SCHIP1: variants seen among roughly 807,000 people sequenced by gnomAD.
SCHIP1 encodes the protein schwannomin interacting protein 1, also known as schwannomin-interacting protein 1.
SCHIP1 carries 8 observed loss-of-function variants against 29.7 expected under a neutral mutation model. The ratio of observed to expected loss-of-function variants is 0.27; its 90% CI spans 0.16 to 0.49. The LOEUF (loss-of-function observed/expected upper bound fraction) is 0.49. Ranked by LOEUF, SCHIP1 falls within the 20% of genes least tolerant of loss-of-function variation. The pLI, the probability that SCHIP1 is intolerant of heterozygous loss-of-function variation, is 0.99. For missense variants in SCHIP1, 193 were observed against 294.6 expected, an observed-to-expected ratio of 0.66 and a Z score of 2.52; for synonymous variants, 76 against 94.9, an observed-to-expected ratio of 0.80 and a Z score of 1.16.
At chr3:159,570,240 T>A in the SCHIP1 span, among the ~76,000 whole-genome samples, 2 of 152,192 alleles carry the variant, frequency 1.3e-5, no homozygotes, top group Admixed American at 1.3e-4. Flanking sequence ...CTGAATGGTA[T>A]TGCCTAGGTT....
chr3:159,839,574 A>C (rs956695378), upstream of SCHIP1, among the ~76,000 whole-genome samples: 2 of 140,484 alleles, frequency 1.4e-5, no homozygotes, highest in African/African-American at 5.2e-5. Flanking sequence ...TTCAGAATGG[A>C]TTGTTCTCTC....
the SCHIP1 span, among the ~76,000 whole-genome samples, chr3:159,507,038 A>G: frequency 1.3e-5 from 2 of 152,288 alleles, no homozygotes; most frequent in South Asian, 4.1e-4. Context: ...ATGGCATTGA[A>G]TCTATAAATT....
chr3:159,330,781 T>C, the SCHIP1 span, among the ~76,000 whole-genome samples: 2 of 152,190 alleles, frequency 1.3e-5, no homozygotes, highest in South Asian at 2.1e-4. Context: ...AGAACTTCCC[T>C]GCCACAGATC....
At chr3:159,437,606 AG>A in the SCHIP1 span, among the ~76,000 whole-genome samples, 1 of 151,866 alleles carries the variant, frequency 6.6e-6, no homozygotes, top group Non-Finnish European at 1.5e-5. Context: ...GAGACGGTGG[AG>A]GGGGAAATTC....
At chr3:159,640,279 G>A in the SCHIP1 span, among the ~76,000 whole-genome samples, 5 of 152,052 alleles carry the variant, frequency 3.3e-5, no homozygotes, top group African/African-American at 9.7e-5. Flanking sequence ...TGAGCTATGA[G>A]GTACAAATGA....
the SCHIP1 span, among the ~76,000 whole-genome samples, chr3:159,642,343 G>A: frequency 6.6e-5 from 10 of 151,974 alleles, no homozygotes; most frequent in African/African-American, 2.4e-4. Flanking sequence ...TCCCTACATA[G>A]ACAACCACCT....
At chr3:159,526,118 C>A in the SCHIP1 span, among the ~76,000 whole-genome samples, 1 of 152,156 alleles carries the variant, frequency 6.6e-6, no homozygotes, top group Non-Finnish European at 1.5e-5. Flanking sequence ...TTCATGTTGG[C>A]AAAATACTTC....
At chr3:159,690,628 C>A in the SCHIP1 span, among the ~76,000 whole-genome samples, 2 of 152,122 alleles carry the variant, frequency 1.3e-5, no homozygotes, top group Non-Finnish European at 2.9e-5. Context: ...TATTTCTTGT[C>A]TTCTACTAGG....
the SCHIP1 span, among the ~76,000 whole-genome samples, chr3:159,603,061 CAG>C: frequency 3.5e-3 from 529 of 152,306 alleles, 10 homozygotes; most frequent in East Asian, 0.053. Flanking sequence ...GGCTGTAAAT[CAG>C]AGTCCTTACA....
chr3:159,494,350 C>A, the SCHIP1 span, among the ~76,000 whole-genome samples: 1 of 152,052 alleles, frequency 6.6e-6, no homozygotes, highest in African/African-American at 2.4e-5. Flanking sequence ...AATTGATAGA[C>A]CGCTAGCAAG....
At chr3:159,496,319 C>T in the SCHIP1 span, among the ~76,000 whole-genome samples, 1 of 152,158 alleles carries the variant, frequency 6.6e-6, no homozygotes, top group Admixed American at 6.5e-5. Flanking sequence ...GAACAGGCAA[C>T]CTACGAAATG....
intron 5 of SCHIP1, among the ~76,000 whole-genome samples, chr3:159,889,579 T>C (rs1659121613): frequency 1.3e-5 from 2 of 152,204 alleles, no homozygotes; most frequent in Non-Finnish European, 1.5e-5. Context: ...AGCCGATAAA[T>C]TCACAATCTC....
chr3:159,732,653 C>T, the SCHIP1 span, among the ~76,000 whole-genome samples: 1 of 152,132 alleles, frequency 6.6e-6, no homozygotes, highest in Non-Finnish European at 1.5e-5. Flanking sequence ...GGCCCTGAGG[C>T]ATTTCCAGGG....
chr3:159,456,604 G>A, the SCHIP1 span, among the ~76,000 whole-genome samples: 1 of 152,118 alleles, frequency 6.6e-6, no homozygotes, highest in African/African-American at 2.4e-5. Context: ...ATCATTTGGG[G>A]GACAGAAGGA....
At chr3:159,364,574 C>T in the SCHIP1 span, among the ~76,000 whole-genome samples, 1 of 152,048 alleles carries the variant, frequency 6.6e-6, no homozygotes, top group African/African-American at 2.4e-5. Flanking sequence ...TAATATTCTC[C>T]CTGTGGCTAC....
the SCHIP1 span, among the ~76,000 whole-genome samples, chr3:159,430,322 T>C: frequency 1.3e-5 from 2 of 152,238 alleles, no homozygotes; most frequent in Admixed American, 6.5e-5. Context: ...TCTCATTTTA[T>C]ATTTATGATG....
chr3:159,700,828 G>C, the SCHIP1 span, among the ~76,000 whole-genome samples: 1 of 150,254 alleles, frequency 6.7e-6, no homozygotes, highest in Admixed American at 6.6e-5. Context: ...AAAAAAAAAA[G>C]AGAGATGCAG....
chr3:159,530,389 G>T, the SCHIP1 span, among the ~76,000 whole-genome samples: 23 of 152,118 alleles, frequency 1.5e-4, no homozygotes, highest in Non-Finnish European at 2.6e-4. Flanking sequence ...GCTCTTGCTT[G>T]CTTGACCACC....
At chr3:159,871,060 A>C (rs1715203128) in intron 2 of SCHIP1, among the ~76,000 whole-genome samples, 1 of 152,068 alleles carries the variant, frequency 6.6e-6, no homozygotes. Context: ...TGTTTTCAAA[A>C]TTGTTGGCAT....
Sources: gnomAD v4.1 joint callset for allele counts (sites outside exome capture counted in the v4.1 genomes callset) on GRCh38, gnomAD v4.1.1 for gene constraint, MANE v1.5 for transcripts, NCBI Gene and HGNC (gene_info 2026-07-23, HGNC 2026-07-21) for gene names.